DOCK10: variants seen among roughly 807,000 people sequenced by gnomAD.
DOCK10 encodes the protein dedicator of cytokinesis 10, also known as dedicator of cytokinesis protein 10.
In DOCK10, 145 loss-of-function variants were observed where a neutral mutation model predicts 280.1. That is an observed-to-expected ratio of 0.52 (90% CI 0.45 to 0.59). The LOEUF is 0.59. DOCK10 is among the 20% of genes least tolerant of loss of function. DOCK10 has a pLI of 0.00. For synonymous variants in DOCK10, 915 were observed against 942.2 expected, an observed-to-expected ratio of 0.97 and a Z score of 0.53; for missense variants, 2,368 against 2,651.7, an observed-to-expected ratio of 0.89 and a Z score of 2.35.
intron 26 of DOCK10, 109 bp downstream of exon 26, chr2:224,834,041 A>T: frequency 1.5e-6 from 1 of 665,320 alleles, no homozygotes; most frequent in Non-Finnish European, 2.7e-6. Context: ...TTATGCTGGA[A>T]ACTGCAAGAG....
At chr2:224,993,161 G>C (rs1361432575) in intron 1 of DOCK10, among the ~76,000 whole-genome samples, 1 of 151,358 alleles carries the variant, frequency 6.6e-6, no homozygotes, top group Non-Finnish European at 1.5e-5. Context: ...GCAGGTTGAT[G>C]GAAGGAATAC....
At chr2:224,800,103 A>C in intron 41 of DOCK10, 48 bp downstream of exon 41, 1 of 1,111,864 alleles carries the variant, frequency 9.0e-7, no homozygotes, top group Non-Finnish European at 1.3e-6. Context: ...TGGTTTTTCT[A>C]CCTCATATTT....
Position 224,985,671 on chromosome 2 carries a change from A to G in DOCK10, c.124-54003T>C, listed in dbSNP as rs1198382446. Among the ~76,000 whole-genome samples, 10 of 152,058 alleles carry G rather than the reference A, an allele frequency of 6.6e-5. No homozygotes were observed. In the East Asian group the frequency reaches 1.9e-3, roughly 29 times the overall value. On this transcript the variant is annotated intron_variant, in intron 1 of 55. Transcript: ENST00000258390. Reference sequence around the variant, plus strand: ...AAAACGAATGAAGGGACTAACAAAAACCACCAAAATCGTACTGAATCCTAG... The same window carrying G: ...AAAACGAATGAAGGGACTAACAAAAGCCACCAAAATCGTACTGAATCCTAG...
intron 27 of DOCK10, among the ~76,000 whole-genome samples, chr2:224,828,545 C>G (rs1471719615): frequency 1.3e-5 from 2 of 152,154 alleles, no homozygotes; most frequent in Non-Finnish European, 2.9e-5. Flanking sequence ...GCCCAGAAGA[C>G]AGCATGCACC....
chr2:225,015,740 T>C (rs1202821927), intron 1 of DOCK10, among the ~76,000 whole-genome samples: 1 of 152,214 alleles, frequency 6.6e-6, no homozygotes, highest in Non-Finnish European at 1.5e-5. Context: ...TATTTCTTTC[T>C]TCAGTGCTCC....
At chr2:224,990,610 T>C (rs1373404225) in intron 1 of DOCK10, among the ~76,000 whole-genome samples, 1 of 152,144 alleles carries the variant, frequency 6.6e-6, no homozygotes, top group East Asian at 1.9e-4. Context: ...TTGTTGTTGT[T>C]GTTGTTGTTT....
intron 2 of DOCK10, among the ~76,000 whole-genome samples, chr2:224,923,064 AGTAT>A (rs1701858543): frequency 6.6e-6 from 1 of 152,188 alleles, no homozygotes; most frequent in South Asian, 2.1e-4. Context: ...CATTCAGAAG[AGTAT>A]TGTTGTGATT....
At chr2:224,830,495 A>G in intron 27 of DOCK10, 46 bp downstream of exon 27, 1 of 1,058,156 alleles carries the variant, frequency 9.5e-7, no homozygotes, top group Non-Finnish European at 1.3e-6. Context: ...TAATTGTTGG[A>G]TAATATTGTA....
At position 224,856,844 on chromosome 2, in the gene DOCK10, T is replaced by C; in HGVS notation, c.1808+16A>G. 6.3e-7 allele frequency: 1 copy of C among 1,590,506 alleles called. No homozygotes were observed. The highest frequency in any genetic ancestry group is 8.6e-7 in the Non-Finnish European group (1 of 1,167,500). On this transcript the variant is annotated intron_variant, in intron 15 of 55. Transcript: ENST00000258390. Reference sequence around the variant, plus strand: ...GGCTGATTTATGTTAATTTCGAGAGTATAAAAAAAACATACCTTCTATAAT... The same window carrying C: ...GGCTGATTTATGTTAATTTCGAGAGCATAAAAAAAACATACCTTCTATAAT...
intron 4 of DOCK10, among the ~76,000 whole-genome samples, chr2:224,892,717 C>T (rs572686393): frequency 2.9e-4 from 44 of 152,242 alleles, no homozygotes; most frequent in Middle Eastern, 3.4e-3. Flanking sequence ...GGGAGGGCTG[C>T]GGGAGGGAGG....
chr2:224,812,718 G>C (rs1203720413), intron 31 of DOCK10, among the ~76,000 whole-genome samples: 1 of 152,276 alleles, frequency 6.6e-6, no homozygotes, highest in East Asian at 1.9e-4. Flanking sequence ...TTTTGTCAAA[G>C]GCCTTTTCTG....
intron 52 of DOCK10, among the ~76,000 whole-genome samples, chr2:224,773,888 C>T (rs115772056): frequency 0.024 from 3,693 of 152,222 alleles, 74 homozygotes; most frequent in South Asian, 0.043. Flanking sequence ...CCTCTGCCTC[C>T]CATGTGCTGG....
chr2:225,042,398 C>T lies in DOCK10; in HGVS notation c.-24G>A. 1 of 1,142,892 alleles carries T rather than the reference C, an allele frequency of 8.7e-7. No individual in the cohort carries two copies. Among genetic ancestry groups the T allele is most frequent in the East Asian group, 4.0e-5 (1 of 24,788 alleles). 70.8% of individuals were successfully genotyped at this position (1,142,892 alleles called of 1,614,324 possible). On this transcript the variant is annotated 5_prime_UTR_variant, in exon 1 of 56. Transcript: ENST00000258390. This position sits in a 1 kb window ranked among gnomAD's most constrained non-coding sequence, Gnocchi z 5.1. ...ATCGCCGGTCACGCCAATCGCGCCG[C>T]GGGCCCGGGGCGCGCCTCCCGCCGG...
At chr2:224,915,405 T>G (rs1701249614) in intron 3 of DOCK10, among the ~76,000 whole-genome samples, 1 of 152,168 alleles carries the variant, frequency 6.6e-6, no homozygotes, top group Non-Finnish European at 1.5e-5. Flanking sequence ...CATTTTTTCT[T>G]TTTTCTATCT....
At position 224,970,588 on chromosome 2, in the gene DOCK10, A is replaced by G. The variant is rs75863234; in HGVS notation, c.124-38920T>C. ...AACCCTTCAATCCGAAGAGATTACA[A>G]CAAAGTGATTTTCCCTTTTTTTCTC... On this transcript the variant is annotated intron_variant, in intron 1 of 55. Transcript: ENST00000258390. The surrounding 1 kb of genome is among the most constrained non-coding windows in gnomAD (Gnocchi z 4.6). Among the ~76,000 whole-genome samples, 3,631 of 152,304 alleles carry G rather than the reference A, an allele frequency of 0.024. 75 individuals are homozygous for G. The highest frequency in any genetic ancestry group is 0.033 in the Non-Finnish European group (2,229 of 68,024).
At chr2:225,001,522 T>C (rs981099616) in intron 1 of DOCK10, among the ~76,000 whole-genome samples, 3 of 152,038 alleles carry the variant, frequency 2.0e-5, no homozygotes, top group Non-Finnish European at 4.4e-5. Flanking sequence ...TCTCCTGACC[T>C]TGTGATCCAC....
intron 7 of DOCK10, among the ~76,000 whole-genome samples, chr2:224,884,011 G>T (rs530117486): frequency 6.6e-6 from 1 of 152,076 alleles, no homozygotes; most frequent in Non-Finnish European, 1.5e-5. Flanking sequence ...TACTGCTAAC[G>T]TTTTACTTCA....
intron 1 of DOCK10, among the ~76,000 whole-genome samples, chr2:224,994,902 C>T (rs768904636): frequency 3.3e-5 from 5 of 152,160 alleles, no homozygotes; most frequent in Admixed American, 6.5e-5. Context: ...AGTTTCTGTG[C>T]GTCAGGAATT....
In DOCK10 at chr2:224,770,760, C is replaced by T; in HGVS notation, c.6205-115G>A. 1.4e-6 allele frequency: 1 copy of T among 708,342 alleles called. No homozygotes were observed. The highest frequency in any genetic ancestry group is 2.5e-6 in the Non-Finnish European group (1 of 404,812). The allele number at this position is 708,342 out of a possible 1,614,324, so 43.9% of individuals were successfully genotyped here. A position where few individuals can be genotyped will look rare whatever the true frequency, so the allele number is the denominator to read the frequency against. On this transcript the variant is annotated intron_variant, in intron 53 of 55. Transcript: ENST00000258390. This position sits in a 1 kb window ranked among gnomAD's most constrained non-coding sequence, Gnocchi z 4.5. ...GTGGTACCCCCATCTCACACCCTGC[C>T]TTCTAGTCCACTCATTTGTATACCT...
Sources: gnomAD v4.1 joint callset for allele counts (sites outside exome capture counted in the v4.1 genomes callset) on GRCh38, gnomAD v4.1.1 for gene constraint, Gnocchi (gnomAD v3.1) non-coding constraint, MANE v1.5 for transcripts, NCBI Gene and HGNC (gene_info 2026-07-23, HGNC 2026-07-21) for gene names.